Variants in ZFYVE1 observed in about 807,000 individuals in gnomAD.
ZFYVE1 encodes zinc finger FYVE domain-containing protein 1.
ZFYVE1 carries 30 observed loss-of-function variants against 74.4 expected under a neutral mutation model. The observed-to-expected ratio is 0.40, with a 90% CI of 0.30 to 0.55. The LOEUF is 0.55. ZFYVE1 is among the 20% of genes least tolerant of loss of function. The pLI, the probability that ZFYVE1 is intolerant of heterozygous loss-of-function variation, is 0.42. For missense variants in ZFYVE1, 703 were observed against 1,011.6 expected (o/e 0.69, Z 4.14); for synonymous variants, 335 against 385.1 (o/e 0.87, Z 1.52).
chr14:73,003,054 C>CTTTTTTTTT (rs201185010), intron 2 of ZFYVE1, among the ~76,000 whole-genome samples: 11 of 102,956 alleles, frequency 1.1e-4, no homozygotes, highest in South Asian at 6.8e-4. Context: ...TTTTTCTTTT[C>CTTTTTTTTT]TTTTTTTTTT....
At chr14:73,003,623 T>C (rs1171224285) in intron 2 of ZFYVE1, among the ~76,000 whole-genome samples, 1 of 151,732 alleles carries the variant, frequency 6.6e-6, no homozygotes, top group Non-Finnish European at 1.5e-5. Flanking sequence ...GACAGGAGAA[T>C]CACTTGAGCC....
rs148216598 is a variant in ZFYVE1 at position 72,981,849 on chromosome 14, G to A, written c.1250C>T (p.Ala417Val). The A allele has an allele frequency of 1.2e-4, 186 of 1,613,968 alleles. No homozygotes were observed. Among genetic ancestry groups the A allele is most frequent in the Non-Finnish European group, 1.4e-4 (170 of 1,180,046 alleles). The change falls in exon 5 of 12, where the codon GCG (alanine) becomes GTG (valine). Residue 417 changes from alanine (A) to valine (V), a missense_variant. Transcript: ENST00000556143. ...FSGEIPDDQM[A>V]HSSFFPDEYF... ...CTCATCTGGAAAAAAGGAGCTGTGCGCCATCTGGTCATCGGGGATCTCACC... is the reference window on the plus strand; with the variant it reads ...CTCATCTGGAAAAAAGGAGCTGTGCACCATCTGGTCATCGGGGATCTCACC...
chr14:72,993,800 G>A (rs1015662406), intron 3 of ZFYVE1, among the ~76,000 whole-genome samples: 1 of 151,920 alleles, frequency 6.6e-6, no homozygotes, highest in African/African-American at 2.4e-5. Flanking sequence ...GAGGCAGGTG[G>A]ATCACCAGGT....
intron 3 of ZFYVE1, among the ~76,000 whole-genome samples, chr14:72,994,498 G>A (rs903735420): frequency 1.3e-5 from 2 of 152,056 alleles, no homozygotes; most frequent in Admixed American, 6.6e-5. Flanking sequence ...CATTGAGTAC[G>A]CAGGGGCATT....
intron 2 of ZFYVE1, among the ~76,000 whole-genome samples, chr14:73,008,914 C>T (rs1411771593): frequency 6.6e-6 from 1 of 152,118 alleles, no homozygotes; most frequent in Non-Finnish European, 1.5e-5. Flanking sequence ...GCAACTGACT[C>T]AACCCTTCTC....
At position 72,974,191 on chromosome 14, in the gene ZFYVE1, C is replaced by A. The variant is rs760443970; in HGVS notation, c.1990G>T (p.Val664Phe). 2 of 1,613,778 alleles carry A rather than the reference C, an allele frequency of 1.2e-6. No homozygotes were observed. Among genetic ancestry groups the A allele is most frequent in the South Asian group, 2.2e-5 (2 of 91,084 alleles). The change falls in exon 11 of 12, where the codon GTT becomes TTT. Residue 664 changes from valine to phenylalanine, a missense_variant and splice_region_variant. By Grantham distance (50) the Val-to-Phe change is conservative. This residue lies in a region of ZFYVE1 where 492 missense variants were observed against 790.0 expected (regional missense o/e 0.62). Transcript: ENST00000556143. The part of the protein sequence containing the change: ...CYEARNVQLA[V>F]TEAQVDDEGG... Reference sequence around the variant, plus strand: ...TCATCGTCCACTTGTGCCTCGGTAACAGCTGTAGACAGTAATAAAGGAAAT... The same window carrying A: ...TCATCGTCCACTTGTGCCTCGGTAAAAGCTGTAGACAGTAATAAAGGAAAT...
chr14:72,978,975 T>A lies in ZFYVE1; in HGVS notation c.1311-6A>T, dbSNP rs1337532192. On this transcript the variant is annotated splice_polypyrimidine_tract_variant and splice_region_variant and intron_variant, in intron 5 of 11. Transcript: ENST00000556143. Reference sequence around the variant, plus strand: ...TGCTTTTCTTACATCCAACCCTGAATGAAGCCCAAAGACTGACAATGAGAC... The same window carrying A: ...TGCTTTTCTTACATCCAACCCTGAAAGAAGCCCAAAGACTGACAATGAGAC... 6.2e-7 allele frequency: 1 copy of A among 1,613,052 alleles called. No homozygotes were observed.
At chr14:72,993,562 G>C (rs985125875) in intron 3 of ZFYVE1, among the ~76,000 whole-genome samples, 3 of 146,632 alleles carry the variant, frequency 2.0e-5, no homozygotes, top group African/African-American at 7.5e-5. Flanking sequence ...AGCAGGGCGT[G>C]GTGGCGCATG....
At chr14:73,013,792 G>A (rs992863300) in intron 2 of ZFYVE1, among the ~76,000 whole-genome samples, 2 of 136,560 alleles carry the variant, frequency 1.5e-5, no homozygotes, top group Non-Finnish European at 3.4e-5. Context: ...TCTTTTCTCC[G>A]ATTTCCCATC....
Position 72,994,418 on chromosome 14 carries a change from C to CA in ZFYVE1, c.989-1062dup, listed in dbSNP as rs372959543. 1.6e-3 allele frequency among the ~76,000 whole-genome samples: 244 copies of CA among 149,642 alleles called. 2 individuals carry two copies. Among genetic ancestry groups the CA allele is most frequent in the African/African-American group, 5.6e-3 (228 of 40,798 alleles). ...AGAGCTGATCTATGCTGTGAGAACT[C>CA]AGGTTACCCTTTCCTGGTAAAGGAC... On this transcript the variant is annotated intron_variant, in intron 3 of 11. Coordinates refer to ENST00000556143, the MANE Select transcript of ZFYVE1 (RefSeq NM_021260.4).
intron 2 of ZFYVE1, among the ~76,000 whole-genome samples, chr14:73,020,709 G>A (rs568898293): frequency 2.6e-5 from 4 of 152,272 alleles, no homozygotes; most frequent in Non-Finnish European, 5.9e-5. Flanking sequence ...CAGGCACGGC[G>A]GCTCAGCCTG....
intron 2 of ZFYVE1, among the ~76,000 whole-genome samples, chr14:73,021,421 C>T (rs562580419): frequency 1.3e-4 from 20 of 151,944 alleles, no homozygotes; most frequent in African/African-American, 4.6e-4. Flanking sequence ...AACACCAATC[C>T]GTAAGTATTT....
chr14:73,005,614 C>T (rs958444958), intron 2 of ZFYVE1, among the ~76,000 whole-genome samples: 5 of 152,206 alleles, frequency 3.3e-5, no homozygotes, highest in African/African-American at 7.2e-5. Context: ...AACTACTCAA[C>T]ACCTCAGGGA....
At chr14:72,973,126 AC>A (rs1208429224) in intron 11 of ZFYVE1, among the ~76,000 whole-genome samples, 1 of 151,976 alleles carries the variant, frequency 6.6e-6, no homozygotes, top group African/African-American at 2.4e-5. Context: ...ATCTAGACAA[AC>A]CTGTGACGGC....
intron 6 of ZFYVE1, 61 bp downstream of exon 6, chr14:72,978,800 G>T (rs1325019647): frequency 7.0e-7 from 1 of 1,423,568 alleles, no homozygotes; most frequent in Non-Finnish European, 9.9e-7. Flanking sequence ...AGATAGTCTT[G>T]CCAAAGAGAG....
At chr14:73,000,256 T>C (rs1244256843) in intron 2 of ZFYVE1, among the ~76,000 whole-genome samples, 1 of 151,934 alleles carries the variant, frequency 6.6e-6, no homozygotes, top group East Asian at 1.9e-4. Context: ...AAGTCCTGAG[T>C]CATTAGAGAA....
In ZFYVE1 at chr14:72,974,246, G is replaced by A. The variant is rs529711982; in HGVS notation, c.1988-53C>T. 6.5e-6 allele frequency: 10 copies of A among 1,547,500 alleles called. No individual in the cohort carries two copies. The South Asian group carries it at 8.9e-5, about 14-fold the overall frequency. ...TCACCTCTAAGTCCTCTCCCAAATGGAAAACTCAGGGACCAATAGCAGAAC... is the reference window on the plus strand; with the variant it reads ...TCACCTCTAAGTCCTCTCCCAAATGAAAAACTCAGGGACCAATAGCAGAAC... On this transcript the variant is annotated intron_variant, in intron 10 of 11. Coordinates refer to ENST00000556143, the MANE Select transcript of ZFYVE1 (RefSeq NM_021260.4).
chr14:72,980,527 GAATT>G (rs35853251), intron 5 of ZFYVE1, among the ~76,000 whole-genome samples: 21,899 of 140,594 alleles, frequency 0.16, 3,031 homozygotes, highest in African/African-American at 0.37. Flanking sequence ...CATCACCTGA[GAATT>G]AATTAATTTA....
chr14:72,970,723 T>G lies in ZFYVE1; in HGVS notation c.*159A>C, dbSNP rs1893010116. On this transcript the variant is annotated 3_prime_UTR_variant, in exon 12 of 12. Coordinates refer to ENST00000556143, the MANE Select transcript of ZFYVE1 (RefSeq NM_021260.4). ...CCTGAGGGGTCCACACCTTCGGGCCTGCCGCCAGGCTCACCCCCACTGAGG... is the reference window on the plus strand; with the variant it reads ...CCTGAGGGGTCCACACCTTCGGGCCGGCCGCCAGGCTCACCCCCACTGAGG... 6.2e-6 allele frequency: 5 copies of G among 803,660 alleles called. No individual in the cohort carries two copies. The highest frequency in any genetic ancestry group is 5.5e-5 in the South Asian group (3 of 54,670). 49.8% of individuals were successfully genotyped at this position (803,660 alleles called of 1,614,324 possible).
Sources: allele counts gnomAD v4.1 joint callset (sites outside exome capture counted in the v4.1 genomes callset), GRCh38; gene constraint gnomAD v4.1.1; regional missense constraint gnomAD v4.1.1; transcripts MANE v1.5; gene names NCBI Gene and HGNC (gene_info 2026-07-23, HGNC 2026-07-21).